Variants in DAD1 observed in about 807,000 individuals in gnomAD.
DAD1 encodes dolichyl-diphosphooligosaccharide--protein glycosyltransferase subunit DAD1.
A neutral mutation model predicts 9.0 loss-of-function variants in DAD1; 4 were observed. The observed-to-expected ratio is 0.44, with a 90% confidence interval of 0.22 to 1.01. The LOEUF (loss-of-function observed/expected upper bound fraction) is 1.01, where lower values mean the gene tolerates loss of function less well. Ranked by LOEUF, DAD1 falls within the 50% of genes least tolerant of loss-of-function variation. DAD1 has a pLI of 0.24. For missense variants in DAD1, 119 were observed against 137.3 expected (o/e 0.87, Z 0.67); for synonymous variants, 60 against 62.5 (o/e 0.96, Z 0.19).
chr14:22,575,006 A>G, intron 2 of DAD1, 53 bp downstream of exon 2: 2 of 1,484,576 alleles, frequency 1.3e-6, no homozygotes, highest in Non-Finnish European at 9.1e-7. Flanking sequence ...GTCCCATCCA[A>G]TTTCTCTTCC....
intron 1 of DAD1, among the ~76,000 whole-genome samples, chr14:22,577,329 G>A (rs2037084239): frequency 6.6e-6 from 1 of 152,156 alleles, no homozygotes; most frequent in African/African-American, 2.4e-5. Flanking sequence ...AGCTACTAGG[G>A]AAGCTGAGGC....
At chr14:22,571,229 T>C (rs1445975520) in intron 2 of DAD1, among the ~76,000 whole-genome samples, 1 of 148,202 alleles carries the variant, frequency 6.7e-6, no homozygotes, top group Non-Finnish European at 1.5e-5. Context: ...GCAGGAGAAT[T>C]GCTTGAACCC....
At chr14:22,587,447 G>A (rs2037161156) in intron 1 of DAD1, among the ~76,000 whole-genome samples, 1 of 152,134 alleles carries the variant, frequency 6.6e-6, no homozygotes, top group Non-Finnish European at 1.5e-5. Context: ...GTGGGTGGGT[G>A]GTGGAGAATA....
chr14:22,585,299 G>A (rs1412111517), intron 1 of DAD1, among the ~76,000 whole-genome samples: 2 of 152,174 alleles, frequency 1.3e-5, no homozygotes, highest in African/African-American at 4.8e-5. Flanking sequence ...CTTGTTTCAA[G>A]ACCAAAGACT....
Position 22,575,066 on chromosome 14 carries a change from T to C in DAD1, c.*37A>G, listed in dbSNP as rs1030382622. The C allele has an allele frequency of 3.1e-6, 5 of 1,607,344 alleles. No individual in the cohort carries two copies. The Admixed American group carries it at 6.7e-5, about 22-fold the overall frequency. ...ACTATGATCATCACTTACATTCTTTTAGTCTCCTACTCCTCAATTAAGTAA... is the reference window on the plus strand; with the variant it reads ...ACTATGATCATCACTTACATTCTTTCAGTCTCCTACTCCTCAATTAAGTAA... On this transcript the variant is annotated 3_prime_UTR_variant, in exon 2 of 3. Transcript: ENST00000250498.
intron 1 of DAD1, among the ~76,000 whole-genome samples, chr14:22,581,544 C>A (rs371825425): frequency 2.7e-4 from 41 of 150,934 alleles, no homozygotes; most frequent in African/African-American, 9.2e-4. Flanking sequence ...GAGTTCGAGA[C>A]CAGCCTGACC....
intron 1 of DAD1, among the ~76,000 whole-genome samples, chr14:22,588,684 T>C (rs1207830210): frequency 6.6e-6 from 1 of 152,224 alleles, no homozygotes; most frequent in Non-Finnish European, 1.5e-5. Flanking sequence ...CCCGGACCAA[T>C]ATTAAGTGAA....
intron 2 of DAD1, among the ~76,000 whole-genome samples, chr14:22,567,350 CT>C (rs1222900946): frequency 1.3e-5 from 2 of 152,200 alleles, no homozygotes; most frequent in Admixed American, 1.3e-4. Context: ...TCATCTCATC[CT>C]GGATTCTAGT....
At chr14:22,586,213 A>T (rs947038405) in intron 1 of DAD1, among the ~76,000 whole-genome samples, 1 of 151,658 alleles carries the variant, frequency 6.6e-6, no homozygotes, top group Non-Finnish European at 1.5e-5. Flanking sequence ...AAAAAAAAAA[A>T]AGCATCTTCA....
chr14:22,581,880 T>C (rs2139245314), intron 1 of DAD1, among the ~76,000 whole-genome samples: 1 of 150,834 alleles, frequency 6.6e-6, no homozygotes, highest in South Asian at 2.1e-4. Flanking sequence ...ATAAGAGCGG[T>C]GGAACAGTAT....
chr14:22,575,330 T>G, intron 1 of DAD1, 97 bp from the exon 2 acceptor site: 1 of 1,385,498 alleles, frequency 7.2e-7, no homozygotes, highest in Non-Finnish European at 9.7e-7. Flanking sequence ...ACAATTCTAC[T>G]CTAACAGAAA....
intron 2 of DAD1, among the ~76,000 whole-genome samples, chr14:22,565,667 T>C (rs1411084730): frequency 6.6e-6 from 1 of 152,240 alleles, no homozygotes; most frequent in Non-Finnish European, 1.5e-5. Flanking sequence ...GATAAGTTTA[T>C]TTTTGGCAAG....
At chr14:22,567,689 C>G (rs1186348029) in intron 2 of DAD1, among the ~76,000 whole-genome samples, 1 of 152,138 alleles carries the variant, frequency 6.6e-6, no homozygotes, top group Non-Finnish European at 1.5e-5. Flanking sequence ...GTTCAATAAC[C>G]ACATGTGGCT....
chr14:22,586,607 T>C (rs1042597783), intron 1 of DAD1, among the ~76,000 whole-genome samples: 2 of 152,158 alleles, frequency 1.3e-5, no homozygotes, highest in Non-Finnish European at 2.9e-5. Context: ...ACCTAATCCT[T>C]CAACAGTATC....
At chr14:22,568,040 T>C (rs1041966197) in intron 2 of DAD1, among the ~76,000 whole-genome samples, 2 of 152,204 alleles carry the variant, frequency 1.3e-5, no homozygotes, top group African/African-American at 4.8e-5. Context: ...ATGACATATA[T>C]ATAAAGCCAT....
At position 22,565,047 on chromosome 14, in the gene DAD1, A is replaced by T; in HGVS notation, c.*135T>A. The T allele has an allele frequency of 1.4e-6, 1 of 698,570 alleles. No homozygotes were observed. The highest frequency in any genetic ancestry group is 2.6e-6 in the Non-Finnish European group (1 of 383,566). 43.3% of individuals were successfully genotyped at this position (698,570 alleles called of 1,614,324 possible). On this transcript the variant is annotated 3_prime_UTR_variant, in exon 3 of 3. Coordinates refer to ENST00000250498, the MANE Select transcript of DAD1 (RefSeq NM_001344.4). The stretch of plus-strand genomic sequence containing the variant: ...GGCTTTTCTCCTGCATAAAAAGCAG[A>T]GCTAGCAGTAAGTGCAAATCTGAAG...
intron 1 of DAD1, among the ~76,000 whole-genome samples, chr14:22,577,881 T>C (rs2037088492): frequency 6.6e-6 from 1 of 152,218 alleles, no homozygotes; most frequent in Non-Finnish European, 1.5e-5. Flanking sequence ...ACAATGTACA[T>C]GTACTTAATG....
intron 1 of DAD1, among the ~76,000 whole-genome samples, chr14:22,578,018 C>T (rs1182000276): frequency 6.6e-6 from 1 of 151,956 alleles, no homozygotes; most frequent in Admixed American, 6.6e-5. Context: ...CTTTGGGAGG[C>T]CGAGGCAGGC....
chr14:22,579,449 G>A (rs1390897767), intron 1 of DAD1, among the ~76,000 whole-genome samples: 1 of 152,174 alleles, frequency 6.6e-6, no homozygotes, highest in African/African-American at 2.4e-5. Context: ...GCTTAAACAT[G>A]TAAACACCAT....
Sources: allele counts gnomAD v4.1 joint callset (sites outside exome capture counted in the v4.1 genomes callset), GRCh38; gene constraint gnomAD v4.1.1; transcripts MANE v1.5; gene names NCBI Gene and HGNC (gene_info 2026-07-23, HGNC 2026-07-21).